The following LRBA variants were observed in gnomAD, a reference collection of about 807,000 sequenced individuals.
The protein encoded by LRBA is lipopolysaccharide-responsive and beige-like anchor protein.
In LRBA, 176 loss-of-function variants were observed where a neutral mutation model predicts 330.0. The observed-to-expected ratio is 0.53, with a 90% CI of 0.47 to 0.60. LRBA has a LOEUF of 0.60. Among genes scored for constraint, LRBA ranks in the 20% least tolerant of loss-of-function variants. The probability of loss-of-function intolerance (pLI) is 0.00; values close to 1 mark genes in which losing one functional copy is unlikely to be tolerated. For synonymous variants in LRBA, 1,230 were observed against 1,193.0 expected (o/e 1.03, Z -0.64); for missense variants, 3,259 against 3,444.8 (o/e 0.95, Z 1.35).
chr4:150,928,269 T>C (rs1734093945), intron 4 of LRBA, among the ~76,000 whole-genome samples: 1 of 152,238 alleles, frequency 6.6e-6, no homozygotes, highest in South Asian at 2.1e-4. Flanking sequence ...ATATTGAATG[T>C]ACATTTAAAG....
At chr4:150,912,153 A>AT (rs1298137710) in intron 9 of LRBA, among the ~76,000 whole-genome samples, 1 of 151,774 alleles carries the variant, frequency 6.6e-6, no homozygotes, top group Non-Finnish European at 1.5e-5. Flanking sequence ...AGTTTCACTG[A>AT]TTTTTTTCTC....
At chr4:150,435,067 G>A (rs904337690) in intron 46 of LRBA, among the ~76,000 whole-genome samples, 4 of 151,656 alleles carry the variant, frequency 2.6e-5, no homozygotes, top group East Asian at 2.0e-4. Context: ...GGGAGAGGCC[G>A]GGCGCGGTGG....
chr4:150,791,876 A>C (rs1739974330), intron 34 of LRBA, among the ~76,000 whole-genome samples: 2 of 151,790 alleles, frequency 1.3e-5, no homozygotes, highest in Non-Finnish European at 2.9e-5. Context: ...AAAATACAAA[A>C]AAATTAGCCA....
chr4:150,544,224 T>C (rs1217506183), intron 40 of LRBA, among the ~76,000 whole-genome samples: 1 of 152,004 alleles, frequency 6.6e-6, no homozygotes, highest in Non-Finnish European at 1.5e-5. Context: ...TCCTCCTGGG[T>C]TCCAGTGATT....
At chr4:150,810,960 C>T (rs143417346) in intron 31 of LRBA, among the ~76,000 whole-genome samples, 2 of 152,252 alleles carry the variant, frequency 1.3e-5, no homozygotes, top group Admixed American at 6.5e-5. Context: ...AAAAATATTG[C>T]TATTTTTGTG....
At chr4:150,752,861 TC>T (rs1733742870) in intron 35 of LRBA, among the ~76,000 whole-genome samples, 1 of 152,148 alleles carries the variant, frequency 6.6e-6, no homozygotes, top group Non-Finnish European at 1.5e-5. Context: ...TAAAATAATT[TC>T]TTAGGACTAT....
chr4:150,323,025 G>GTGTGTGTGTGTGTGT lies in LRBA; in HGVS notation c.7453-1658_7453-1657insACACACACACACACA, dbSNP rs373782725. 1.3e-4 allele frequency among the ~76,000 whole-genome samples: 18 copies of GTGTGTGTGTGTGTGT among 142,628 alleles called. 1 individual carries two copies. The highest frequency in any genetic ancestry group is 4.4e-4 in the South Asian group (2 of 4,568). 93.6% of individuals were successfully genotyped at this position (142,628 alleles called of 152,430 possible). On this transcript the variant is annotated intron_variant, in intron 49 of 56. Transcript: ENST00000651943. ...TGTGTGTGTGTGTGTGTGTGTGTGT[G>GTGTGTGTGTGTGTGT]GGGATGCATTGATGGTTGATGGGGG...
rs776345192 is a variant in LRBA at position 150,900,112 on chromosome 4, G to A, written c.1861C>T (p.Leu621=). Residue 621 remains leucine (L), a synonymous_variant, in exon 14 of 57, where the codon CTG becomes TTG. Transcript: ENST00000651943. ...VGTVLLIMHT[L]KYYYWAVNPQ... ...TTCACTGCCCAGTAGTAGTACTTCA[G>A]CGTGTGCATGATGAGAAGCACTGTT... is the stretch of plus-strand genomic sequence containing the variant. 8 of 1,613,050 alleles carry A rather than the reference G, an allele frequency of 5.0e-6. No homozygotes were observed. Among genetic ancestry groups the A allele is most frequent in the Non-Finnish European group, 6.8e-6 (8 of 1,179,096 alleles).
At chr4:150,781,325 T>C (rs578142930) in intron 34 of LRBA, among the ~76,000 whole-genome samples, 4 of 152,372 alleles carry the variant, frequency 2.6e-5, no homozygotes, top group Admixed American at 1.3e-4. Flanking sequence ...TGACAGATTA[T>C]CAGGCATTAG....
intron 35 of LRBA, among the ~76,000 whole-genome samples, chr4:150,750,499 A>G (rs1414656780): frequency 6.6e-6 from 1 of 152,012 alleles, no homozygotes; most frequent in Non-Finnish European, 1.5e-5. Context: ...TTTATTTTTA[A>G]TATCATTTTT....
chr4:150,814,168 G>A (rs1023462713), intron 31 of LRBA, among the ~76,000 whole-genome samples: 1 of 151,872 alleles, frequency 6.6e-6, no homozygotes, highest in African/African-American at 2.4e-5. Context: ...TTGTTAAGAT[G>A]GAACCATCTA....
At chr4:150,641,922 GTTTA>G (rs1778717022) in intron 37 of LRBA, among the ~76,000 whole-genome samples, 1 of 151,898 alleles carries the variant, frequency 6.6e-6, no homozygotes, top group South Asian at 2.1e-4. Flanking sequence ...TAATACCAAT[GTTTA>G]TTTATTACAC....
Position 150,516,215 on chromosome 4 carries a change from C to CTTTTTTTTTTTTTTTTTTTTTTTT in LRBA, c.6331-25181_6331-25180insAAAAAAAAAAAAAAAAAAAAAAAA, listed in dbSNP as rs1384014823. Reference sequence around the variant, plus strand: ...GTAATTCAGTCTGACATTTTCTATTCTCTTTTTTTTTTTTTTTTTTTTTTT... The same window carrying CTTTTTTTTTTTTTTTTTTTTTTTT: ...GTAATTCAGTCTGACATTTTCTATTCTTTTTTTTTTTTTTTTTTTTTTTTTCTTTTTTTTTTTTTTTTTTTTTTT... On this transcript the variant is annotated intron_variant, in intron 40 of 56. Transcript: ENST00000651943. Among the ~76,000 whole-genome samples the CTTTTTTTTTTTTTTTTTTTTTTTT allele has an allele frequency of 6.9e-5, 6 of 86,712 alleles. 3 individuals carry two copies. The highest frequency in any genetic ancestry group is 7.3e-4 in the East Asian group (2 of 2,756). 56.9% of individuals were successfully genotyped at this position (86,712 alleles called of 152,430 possible). A position where few individuals can be genotyped will look rare whatever the true frequency, so the allele number is the denominator to read the frequency against.
chr4:150,805,515 AAAGGAAAAGGAAAGGAAAGGAAG>A, intron 33 of LRBA, among the ~76,000 whole-genome samples: 1 of 122,916 alleles, frequency 8.1e-6, no homozygotes, highest in Non-Finnish European at 1.7e-5. Context: ...AAAGAGAAGG[AAAGGAAAAGGAAAGGAAAGGAAG>A]GGAGAAGGAA....
rs2290846 is a variant in LRBA, at chr4:150,277,928, G to A, written c.8393C>T (p.Ser2798Leu). 399,121 of 1,613,782 alleles carry A rather than the reference G, an allele frequency of 0.25. 53,568 individuals are homozygous for A. The highest frequency in any genetic ancestry group is 0.28 in the East Asian group (12,612 of 44,830). The change falls in exon 56 of 57, where the codon TCG becomes TTG. Residue 2798 changes from serine to leucine, a missense_variant. By Grantham distance (145) the Ser-to-Leu change is moderately radical. Transcript: ENST00000651943. ...DRGVVVVRQV[S>L]DLKQLFAYPG... is the part of the protein sequence containing the mutation. ...ATAGGCAAAGAGCTGCTTGAGGTCC[G>A]ACACCTGCCGGACCACGACCACTCC...
At chr4:150,972,207 T>G (rs934976325) in intron 2 of LRBA, among the ~76,000 whole-genome samples, 1 of 152,134 alleles carries the variant, frequency 6.6e-6, no homozygotes, top group Non-Finnish European at 1.5e-5. Context: ...AATTTCAAAT[T>G]TTGTACATAT....
chr4:150,521,900 AT>A (rs1762958697), intron 40 of LRBA, among the ~76,000 whole-genome samples: 1 of 152,198 alleles, frequency 6.6e-6, no homozygotes, highest in South Asian at 2.1e-4. Flanking sequence ...GACAATACCT[AT>A]TGTTCTATCA....
chr4:150,414,503 T>C (rs1747450241), intron 47 of LRBA, among the ~76,000 whole-genome samples: 1 of 152,182 alleles, frequency 6.6e-6, no homozygotes, highest in Non-Finnish European at 1.5e-5. Flanking sequence ...TATTTTTTAT[T>C]TTTTCGAGAC....
intron 44 of LRBA, among the ~76,000 whole-genome samples, chr4:150,439,606 G>A (rs1377959732): frequency 6.6e-6 from 1 of 152,088 alleles, no homozygotes; most frequent in African/African-American, 2.4e-5. Context: ...TACATTACGC[G>A]AAAGCACTGA....
Sources: gnomAD v4.1 joint callset for allele counts (sites outside exome capture counted in the v4.1 genomes callset) on GRCh38, gnomAD v4.1.1 for gene constraint, MANE v1.5 for transcripts, NCBI Gene and HGNC (gene_info 2026-07-23, HGNC 2026-07-21) for gene names.